STK11: variants seen among roughly 807,000 people sequenced by gnomAD.
STK11 encodes serine/threonine-protein kinase STK11.
Under a neutral mutation model 47.3 loss-of-function variants are expected in STK11, and 8 were observed. That is an observed-to-expected ratio of 0.17 (90% CI 0.10 to 0.31). The LOEUF is 0.31. Ranked by LOEUF, STK11 falls within the 10% of genes least tolerant of loss-of-function variation. The pLI is 1.00. For missense variants in STK11, 475 were observed against 605.0 expected (o/e 0.79, Z 2.25); for synonymous variants, 330 against 255.8 (o/e 1.29, Z -2.77).
chr19:1,212,119 G>A (rs1265886118), intron 1 of STK11, among the ~76,000 whole-genome samples: 1 of 152,052 alleles, frequency 6.6e-6, no homozygotes, highest in East Asian at 1.9e-4. Context: ...GGCTTCCGGT[G>A]CCCAGCCAGC....
rs182645155 is a variant in STK11, at chr19:1,224,032, G to A, written c.1108+860G>A. 299 of 1,005,100 alleles carry A rather than the reference G, an allele frequency of 3.0e-4. 1 individual carries two copies. In the East Asian group the frequency reaches 0.012, roughly 39 times the overall value. The allele number at this position is 1,005,100 out of a possible 1,614,324, so 62.3% of individuals were successfully genotyped here. A position where few individuals can be genotyped will look rare whatever the true frequency, so the allele number is the denominator to read the frequency against. On this transcript the variant is annotated intron_variant, in intron 8 of 9. Transcript: ENST00000326873. Reference sequence around the variant, plus strand: ...ACCCAGTGCACAGGGTCCACCCCCGGGCCCGAGGGTCCCAGAATAGTGGGG... The same window carrying A: ...ACCCAGTGCACAGGGTCCACCCCCGAGCCCGAGGGTCCCAGAATAGTGGGG...
intron 1 of STK11, among the ~76,000 whole-genome samples, chr19:1,213,263 C>A (rs2080724117): frequency 6.6e-6 from 1 of 152,152 alleles, no homozygotes; most frequent in Non-Finnish European, 1.5e-5. Context: ...TCCCAAAGTG[C>A]TGGGGTTACA....
chr19:1,222,732 G>A (rs2080793843), intron 7 of STK11, among the ~76,000 whole-genome samples: 1 of 152,212 alleles, frequency 6.6e-6, no homozygotes, highest in Admixed American at 6.5e-5. Context: ...CCATCTGGTG[G>A]GTGCTGGCTT....
In STK11 at chr19:1,227,917, C is replaced by T. The variant is rs2080838458; in HGVS notation, c.*341C>T. 3.7e-6 allele frequency: 4 copies of T among 1,070,490 alleles called. No homozygotes were observed. The highest frequency in any genetic ancestry group is 4.8e-5 in the East Asian group (1 of 20,848). The allele number at this position is 1,070,490 out of a possible 1,614,324, so 66.3% of individuals were successfully genotyped here. On this transcript the variant is annotated 3_prime_UTR_variant, in exon 10 of 10. Coordinates refer to ENST00000326873, the MANE Select transcript of STK11 (RefSeq NM_000455.5). Reference sequence around the variant, plus strand: ...CCGTGGCCTCGTGCTCCGCAGGGCGCCCAGCGCCGTCCGGCGGCCCCGCCG... The same window carrying T: ...CCGTGGCCTCGTGCTCCGCAGGGCGTCCAGCGCCGTCCGGCGGCCCCGCCG...
At chr19:1,226,951 C>G (rs1266137300) in intron 9 of STK11, 1 of 425,464 alleles carries the variant, frequency 2.4e-6, no homozygotes, top group African/African-American at 2.1e-5. Context: ...TTCCGAGGAC[C>G]CTGCCCTGGG....
At chr19:1,225,253 C>T (rs547579542) in intron 8 of STK11, 2 of 985,384 alleles carry the variant, frequency 2.0e-6, no homozygotes, top group African/African-American at 1.7e-5. Context: ...CAATTGGTGC[C>T]TCCTCACCAA....
At chr19:1,221,127 C>T (rs1244141000) in intron 5 of STK11, 86 bp from the exon 6 acceptor site, 2 of 1,570,056 alleles carry the variant, frequency 1.3e-6, no homozygotes, top group Non-Finnish European at 1.7e-6. Context: ...CCACGGGACG[C>T]CTCTGTCCCT....
At position 1,227,783 on chromosome 19, in the gene STK11, C is replaced by T; in HGVS notation, c.*207C>T. Reference sequence around the variant, plus strand: ...CAGCCCTCCCCCCTCGGCCGCCCGGCAGTGCACGCGGCTTGTTGACTTCGC... The same window carrying T: ...CAGCCCTCCCCCCTCGGCCGCCCGGTAGTGCACGCGGCTTGTTGACTTCGC... On this transcript the variant is annotated 3_prime_UTR_variant, in exon 10 of 10. Coordinates refer to ENST00000326873, the MANE Select transcript of STK11 (RefSeq NM_000455.5). The T allele has an allele frequency of 9.3e-7, 1 of 1,074,642 alleles. No individual in the cohort carries two copies. The highest frequency in any genetic ancestry group is 1.1e-6 in the Non-Finnish European group (1 of 884,962). 66.6% of individuals were successfully genotyped at this position (1,074,642 alleles called of 1,614,324 possible).
In STK11 at chr19:1,223,166, G is replaced by A. The variant is rs1311925225; in HGVS notation, c.1102G>A (p.Val368Met). 3.1e-6 allele frequency: 5 copies of A among 1,610,860 alleles called. No individual in the cohort carries two copies. The highest frequency in any genetic ancestry group is 2.2e-5 in the East Asian group (1 of 44,842). Residue 368 changes from valine to methionine, a missense_variant, in exon 8 of 10, where the codon GTG becomes ATG. By Grantham distance (21) the Val-to-Met change is conservative (BLOSUM62 1). This residue lies in a region of STK11 where 219 missense variants were observed against 189.2 expected (regional missense o/e 1.16). Coordinates refer to ENST00000326873, the MANE Select transcript of STK11 (RefSeq NM_000455.5). ...DDIIYTQDFT[V>M]PGQVPEEEAS... Reference sequence around the variant, plus strand: ...CATCATCTACACTCAGGACTTCACGGTGCCCGGTGAGTCTGGCGGGGGCCC... The same window carrying A: ...CATCATCTACACTCAGGACTTCACGATGCCCGGTGAGTCTGGCGGGGGCCC...
In STK11 at chr19:1,206,731, TG is replaced by T. The variant is rs1344079307; in HGVS notation, c.-182del. The T allele has an allele frequency of 8.3e-6, 7 of 843,706 alleles. No homozygotes were observed. Among genetic ancestry groups the T allele is most frequent in the Non-Finnish European group, 1.2e-5 (7 of 565,472 alleles). 52.3% of individuals were successfully genotyped at this position (843,706 alleles called of 1,614,324 possible). A position where few individuals can be genotyped will look rare whatever the true frequency, so the allele number is the denominator to read the frequency against. Reference sequence around the variant, plus strand: ...CCGGGCTTGGACTCGCAGCCGGGACTGACGTGTAGAACAATCGTTTCTGTTG... The same window carrying T: ...CCGGGCTTGGACTCGCAGCCGGGACTACGTGTAGAACAATCGTTTCTGTTG... On this transcript the variant is annotated 5_prime_UTR_variant, in exon 1 of 10. Coordinates refer to ENST00000326873, the MANE Select transcript of STK11 (RefSeq NM_000455.5).
intron 8 of STK11, chr19:1,224,193 G>T (rs1422844263): frequency 2.0e-6 from 2 of 984,976 alleles, no homozygotes; most frequent in African/African-American, 3.5e-5. Context: ...GGGGGTCCCC[G>T]GGGGGTACAG....
At chr19:1,224,214 C>T (rs574746388) in intron 8 of STK11, 1 of 984,596 alleles carries the variant, frequency 1.0e-6, no homozygotes, top group Non-Finnish European at 1.2e-6. Flanking sequence ...TGTCTGGGGG[C>T]CCCCCAGGAG....
In STK11 at chr19:1,220,595, C is replaced by G. The variant is rs774100153; in HGVS notation, c.612C>G (p.Phe204Leu). 1.9e-6 allele frequency: 3 copies of G among 1,588,284 alleles called. No individual in the cohort carries two copies. Among genetic ancestry groups the G allele is most frequent in the South Asian group, 1.1e-5 (1 of 88,408 alleles). The change falls in exon 5 of 10, where the codon TTC becomes TTG. Residue 204 changes from phenylalanine to leucine, a missense_variant. Physicochemically the swap from Phe to Leu is conservative, Grantham distance 22 (BLOSUM62 0). This residue lies in a region of STK11 where 130 missense variants were observed against 239.7 expected (regional missense o/e 0.54). Coordinates refer to ENST00000326873, the MANE Select transcript of STK11 (RefSeq NM_000455.5). ...CACCGCCACAGGCACTGCACCCGTT[C>G]GCGGCGGACGACACCTGCCGGACCA... The part of the protein sequence containing the change: ...DLGVAEALHP[F>L]AADDTCRTSQ...
chr19:1,226,770 C>T, intron 9 of STK11, 107 bp downstream of exon 9: 2 of 1,329,924 alleles, frequency 1.5e-6, no homozygotes. Flanking sequence ...CGTCACGTGG[C>T]TGCGCGTGGT....
At chr19:1,224,463 C>T (rs552036176) in intron 8 of STK11, 1 of 985,432 alleles carries the variant, frequency 1.0e-6, no homozygotes, top group Non-Finnish European at 1.2e-6. Flanking sequence ...GGTCTTCTGC[C>T]TTTCAGAGCC....
At chr19:1,219,500 C>G (rs2080767357) in intron 3 of STK11, 87 bp downstream of exon 3, 12 of 1,386,522 alleles carry the variant, frequency 8.7e-6, no homozygotes, top group Non-Finnish European at 1.2e-5. Context: ...CACTGCTTGT[C>G]CTGATATTCA....
At chr19:1,222,174 A>T (rs2080789451) in intron 7 of STK11, among the ~76,000 whole-genome samples, 168 bp downstream of exon 7, 1 of 152,180 alleles carries the variant, frequency 6.6e-6, no homozygotes, top group Non-Finnish European at 1.5e-5. Flanking sequence ...GTCTCTGGGC[A>T]GTGTCCTGTT....
rs763346212 is a variant in STK11 at position 1,220,731 on chromosome 19, C to T, written c.734+14C>T. 2 of 1,601,808 alleles carry T rather than the reference C, an allele frequency of 1.2e-6. No individual in the cohort carries two copies. Among genetic ancestry groups the T allele is most frequent in the South Asian group, 1.1e-5 (1 of 90,264 alleles). ...TGGGGTCACCCTGTAAGTGCCCCGCCCCCCCGGGCACTCACCACACGCACA... is the reference window on the plus strand; with the variant it reads ...TGGGGTCACCCTGTAAGTGCCCCGCTCCCCCGGGCACTCACCACACGCACA... On this transcript the variant is annotated intron_variant, in intron 5 of 9. Coordinates refer to ENST00000326873, the MANE Select transcript of STK11 (RefSeq NM_000455.5).
chr19:1,210,415 G>T (rs539601597), intron 1 of STK11, among the ~76,000 whole-genome samples: 3 of 152,334 alleles, frequency 2.0e-5, no homozygotes, highest in African/African-American at 4.8e-5. Flanking sequence ...AAGCGTGGGC[G>T]ATCACCAAGG....
Sources: allele counts gnomAD v4.1 joint callset (sites outside exome capture counted in the v4.1 genomes callset), GRCh38; gene constraint gnomAD v4.1.1; regional missense constraint gnomAD v4.1.1; transcripts MANE v1.5; gene names NCBI Gene and HGNC (gene_info 2026-07-23, HGNC 2026-07-21).